The following RPL9 variants were observed in gnomAD, a reference collection of about 807,000 sequenced individuals.
RPL9 encodes the protein large ribosomal subunit protein uL6.
For synonymous variants in RPL9, 82 were observed against 77.1 expected, an observed-to-expected ratio of 1.06 and a Z score of -0.33; for missense variants, 149 against 236.7, an observed-to-expected ratio of 0.63 and a Z score of 2.43.
rs1318684561 is a variant in RPL9 at position 39,458,403 on chromosome 4, G to C, written c.37C>G (p.Pro13Ala). Residue 13 changes from proline to alanine, a missense_variant, in exon 2 of 8, where the codon CCA becomes GCA. By Grantham distance (27) the Pro-to-Ala change is conservative. Transcript: ENST00000295955. ...TILSNQTVDI[P>A]ENVDITLKGR... is the part of the protein sequence containing the mutation. ...ACATCAAGTCTCATACCATTTTCTG[G>C]AATGTCGACAGTCTGATTGCTGAGA... 6.2e-7 allele frequency: 1 copy of C among 1,614,180 alleles called. No individual in the cohort carries two copies. Among genetic ancestry groups the C allele is most frequent in the Non-Finnish European group, 8.5e-7 (1 of 1,180,032 alleles).
intron 5 of RPL9, chr4:39,456,137 A>G (rs1412361881): frequency 2.2e-6 from 1 of 453,958 alleles, no homozygotes; most frequent in African/African-American, 2.0e-5. Context: ...GTCTTTTTAA[A>G]AGATTTCATT....
chr4:39,458,505 C>CAG, intron 1 of RPL9, 65 bp from the exon 2 acceptor site: 1 of 1,534,324 alleles, frequency 6.5e-7, no homozygotes, highest in Non-Finnish European at 9.0e-7. Flanking sequence ...CTACGCCGCA[C>CAG]AGAGCTCCAC....
Position 39,458,219 on chromosome 4 carries a change from C to G in RPL9, c.137G>C (p.Ser46Thr). 6.2e-7 allele frequency: 1 copy of G among 1,614,090 alleles called. No individual in the cohort carries two copies. Among genetic ancestry groups the G allele is most frequent in the Non-Finnish European group, 8.5e-7 (1 of 1,180,010 alleles). The change falls in exon 3 of 8, where the codon AGC (serine) becomes ACC (threonine). Residue 46 changes from serine (S) to threonine (T), a missense_variant. Physicochemically the swap from Ser to Thr is moderately conservative, Grantham distance 58. Transcript: ENST00000295955. ...CCTCTTTTTTTTCTTTCCAAGAAGG[C>G]TGAGTTCTACATTGATGTGATTGAA... ...RDFNHINVELSLLGKKKKRLR... is the reference protein window; with the variant it reads ...RDFNHINVELTLLGKKKKRLR...
intron 5 of RPL9, 40 bp downstream of exon 5, chr4:39,456,366 A>G (rs995211214): frequency 1.2e-6 from 2 of 1,612,922 alleles, no homozygotes; most frequent in Non-Finnish European, 1.7e-6. Context: ...AAAAATATGA[A>G]GGAAAAATTT....
At chr4:39,457,857 G>A (rs1165267988) in intron 3 of RPL9, 176 bp from the exon 4 acceptor site, 11 of 641,930 alleles carry the variant, frequency 1.7e-5, no homozygotes, top group Non-Finnish European at 3.0e-5. Context: ...TGTAGAAGTT[G>A]CAACAAACTT....
intron 5 of RPL9, chr4:39,455,166 T>C (rs760977770): frequency 7.2e-5 from 30 of 417,656 alleles, no homozygotes; most frequent in Non-Finnish European, 1.2e-4. Flanking sequence ...TGGCTAACAC[T>C]GTGAAACCCA....
chr4:39,456,665 T>C (rs1744099166), intron 4 of RPL9, 127 bp from the exon 5 acceptor site: 1 of 1,004,048 alleles, frequency 1.0e-6, no homozygotes, highest in South Asian at 1.7e-5. Flanking sequence ...CTAATAACTG[T>C]CACCTGAACC....
In RPL9 at chr4:39,457,944, G is replaced by A. The variant is rs911726878; in HGVS notation, c.162+250C>T. On this transcript the variant is annotated intron_variant, in intron 3 of 7. Transcript: ENST00000295955. ...GTGATTTTTACAAAGCAATCACTAG[G>A]AAAATAAACCAAACTTCTAACACCA... The A allele has an allele frequency of 4.2e-5, 27 of 638,472 alleles. No homozygotes were observed. In the African/African-American group the frequency reaches 4.7e-4, roughly 11 times the overall value. The allele number at this position is 638,472 out of a possible 1,614,324, so 39.6% of individuals were successfully genotyped here. A position where few individuals can be genotyped will look rare whatever the true frequency, so the allele number is the denominator to read the frequency against.
intron 1 of RPL9, 47 bp from the exon 2 acceptor site, chr4:39,458,487 C>T (rs933964193): frequency 1.3e-6 from 2 of 1,597,864 alleles, no homozygotes; most frequent in South Asian, 1.1e-5. Context: ...GCCCGTTTTT[C>T]CACCAAACTA....
In RPL9 at chr4:39,456,772, G is replaced by GC. The variant is rs567385073; in HGVS notation, c.259-235dup. On this transcript the variant is annotated intron_variant, in intron 4 of 7. Coordinates refer to ENST00000295955, the MANE Select transcript of RPL9 (RefSeq NM_000661.5). ...TCTTATGCCCTCAATGAACAATGCTGCCTTCTTTTAATGAGAACCCCAAAG... is the reference window on the plus strand; with the variant it reads ...TCTTATGCCCTCAATGAACAATGCTGCCCTTCTTTTAATGAGAACCCCAAAG... 7.6e-5 allele frequency: 36 copies of GC among 471,942 alleles called. No homozygotes were observed. In the Admixed American group the frequency reaches 9.1e-4, roughly 12 times the overall value. The allele number at this position is 471,942 out of a possible 1,614,324, so 29.2% of individuals were successfully genotyped here.
intron 3 of RPL9, 47 bp downstream of exon 3, chr4:39,458,147 A>C: frequency 6.3e-7 from 1 of 1,588,816 alleles, no homozygotes. Context: ...TGCTGTTATA[A>C]ACCACCTTCC....
intron 4 of RPL9, chr4:39,456,742 C>G (rs1744102120): frequency 1.7e-6 from 1 of 572,262 alleles, no homozygotes; most frequent in Non-Finnish European, 3.1e-6. Flanking sequence ...CTTTATTTCA[C>G]TAGCTCTTAT....
intron 7 of RPL9, 68 bp downstream of exon 7, chr4:39,454,465 C>T (rs1578221786): frequency 8.5e-7 from 1 of 1,178,176 alleles, no homozygotes; most frequent in South Asian, 1.5e-5. Context: ...CAGTTTAAGT[C>T]TTTTAGTAAA....
chr4:39,458,559 G>C, intron 1 of RPL9, 119 bp from the exon 2 acceptor site: 14 of 1,068,638 alleles, frequency 1.3e-5, no homozygotes, highest in Non-Finnish European at 1.8e-5. Context: ...CAAGATGTCG[G>C]AGGACGGGAG....
intron 4 of RPL9, 137 bp downstream of exon 4, chr4:39,457,449 T>G: frequency 1.4e-6 from 1 of 704,142 alleles, no homozygotes; most frequent in Non-Finnish European, 2.5e-6. Flanking sequence ...CACAGATGCC[T>G]ATTTTTGCCA....
Position 39,458,538 on chromosome 4 carries a change from G to T in RPL9, c.-1-98C>A, listed in dbSNP as rs565646775. The stretch of plus-strand genomic sequence containing the variant: ...CACTCCTACTGGAGACTGCCAGGCG[G>T]AAGTTCCAGACAAGATGTCGGAGGA... On this transcript the variant is annotated intron_variant, in intron 1 of 7. Transcript: ENST00000295955. The T allele has an allele frequency of 3.0e-6, 4 of 1,319,414 alleles. No individual in the cohort carries two copies. The African/African-American group carries it at 4.4e-5, about 15-fold the overall frequency. 81.7% of individuals were successfully genotyped at this position (1,319,414 alleles called of 1,614,324 possible).
At chr4:39,457,747 A>C (rs936964264) in intron 3 of RPL9, 66 bp from the exon 4 acceptor site, 9 of 1,288,138 alleles carry the variant, frequency 7.0e-6, no homozygotes, top group Non-Finnish European at 1.0e-5. Context: ...CAGACCACTT[A>C]CCGAATTACT....
chr4:39,455,595 G>C (rs534078659), intron 5 of RPL9, among the ~76,000 whole-genome samples: 1 of 151,826 alleles, frequency 6.6e-6, no homozygotes, highest in African/African-American at 2.4e-5. Flanking sequence ...GCAACGTGGC[G>C]AAACAGTCTC....
In RPL9 at chr4:39,457,697, A is replaced by G. The variant is rs767275393; in HGVS notation, c.163-16T>C. 3.7e-6 allele frequency: 6 copies of G among 1,603,268 alleles called. No homozygotes were observed. The highest frequency in any genetic ancestry group is 5.1e-6 in the Non-Finnish European group (6 of 1,170,048). On this transcript the variant is annotated splice_polypyrimidine_tract_variant and intron_variant, in intron 3 of 7. Coordinates refer to ENST00000295955, the MANE Select transcript of RPL9 (RefSeq NM_000661.5). Reference sequence around the variant, plus strand: ...CAACCCGGAGCTGTAACAGAACAAAAAATGTATTCTTTCCAGAAATATGCA... The same window carrying G: ...CAACCCGGAGCTGTAACAGAACAAAGAATGTATTCTTTCCAGAAATATGCA...
Sources: gnomAD v4.1 joint callset for allele counts (sites outside exome capture counted in the v4.1 genomes callset) on GRCh38, gnomAD v4.1.1 for gene constraint, MANE v1.5 for transcripts, NCBI Gene and HGNC (gene_info 2026-07-23, HGNC 2026-07-21) for gene names.